Variants in PCID2 observed in about 807,000 individuals in gnomAD.
PCID2 encodes the protein PCI domain containing 2, also known as PCI domain-containing protein 2.
PCID2 carries 41 observed loss-of-function variants against 61.3 expected under a neutral mutation model. The ratio of observed to expected loss-of-function variants is 0.67; its 90% confidence interval spans 0.52 to 0.87. The LOEUF (loss-of-function observed/expected upper bound fraction) is 0.87. Among genes scored for constraint, PCID2 ranks in the 40% least tolerant of loss-of-function variants. The probability of loss-of-function intolerance (pLI) is 0.00; values close to 1 mark genes in which losing one functional copy is unlikely to be tolerated. For missense variants in PCID2, 392 were observed against 493.4 expected (o/e 0.79, Z 1.95); for synonymous variants, 187 against 177.8 (o/e 1.05, Z -0.41).
intron 6 of PCID2, among the ~76,000 whole-genome samples, chr13:113,192,462 A>AAACT (rs55641715): frequency 0.92 from 139,971 of 152,040 alleles, 65,514 homozygotes; most frequent in East Asian, 1. Flanking sequence ...GCAGAACAGA[A>AAACT]GACAGGCAGA....
chr13:113,171,966 G>GCACTGGA, the PCID2 span: 1 of 1,613,578 alleles, frequency 6.2e-7, no homozygotes, highest in South Asian at 1.1e-5. The surrounding 1 kb of genome is among the most constrained non-coding windows in gnomAD (Gnocchi z 5.1). Context: ...ATGGATGGAA[G>GCACTGGA]TGTGGTCACC....
chr13:113,167,427 A>T, the PCID2 span, among the ~76,000 whole-genome samples: 1 of 152,214 alleles, frequency 6.6e-6, no homozygotes, highest in Non-Finnish European at 1.5e-5. Flanking sequence ...ACGGTTGAAA[A>T]CTGCAACACT....
intron 10 of PCID2, 68 bp from the exon 11 acceptor site, chr13:113,180,299 T>C (rs2037517909): frequency 1.6e-6 from 2 of 1,213,098 alleles, no homozygotes; most frequent in Non-Finnish European, 2.4e-6. Context: ...TAAATATTCA[T>C]ATCAAGGAAT....
the PCID2 span, chr13:113,171,680 A>T: frequency 6.2e-7 from 1 of 1,613,952 alleles, no homozygotes; most frequent in Non-Finnish European, 8.5e-7. This position sits in a 1 kb window ranked among gnomAD's most constrained non-coding sequence, Gnocchi z 5.1. Context: ...CGCGGGGGAG[A>T]ATGACCTGTC....
intron 7 of PCID2, chr13:113,186,764 C>A (rs1021792318): frequency 6.6e-6 from 1 of 152,196 alleles, no homozygotes; most frequent in South Asian, 2.1e-4. Context: ...CCACAGGCTG[C>A]GCCACACAGC....
In PCID2 at chr13:113,206,835, A is replaced by C. The variant is rs143854362; in HGVS notation, c.36+1764T>G. 3.1e-3 allele frequency among the ~76,000 whole-genome samples: 475 copies of C among 152,336 alleles called. 2 individuals are homozygous for C. Among genetic ancestry groups the C allele is most frequent in the Middle Eastern group, 0.01 (3 of 294 alleles). ...ATGTAGGCATGCACATCTCCATAGAAGTCCATCCTGGGCCCAGCCCCTGTC... is the reference window on the plus strand; with the variant it reads ...ATGTAGGCATGCACATCTCCATAGACGTCCATCCTGGGCCCAGCCCCTGTC... On this transcript the variant is annotated intron_variant, in intron 1 of 13. Transcript: ENST00000337344.
In PCID2 at chr13:113,197,159, C is replaced by A. The variant is rs755281970; in HGVS notation, c.266+19G>T. 26 of 1,614,032 alleles carry A rather than the reference C, an allele frequency of 1.6e-5. No individual in the cohort carries two copies. The Admixed American group carries it at 4.2e-4, about 26-fold the overall frequency. On this transcript the variant is annotated intron_variant, in intron 4 of 13. Coordinates refer to ENST00000337344, the MANE Select transcript of PCID2 (RefSeq NM_001127202.4). ...CATGTGTTCTATGCGGGACAGCTGCCATGAACGACAAAGGATATTGGACTA... is the reference window on the plus strand; with the variant it reads ...CATGTGTTCTATGCGGGACAGCTGCAATGAACGACAAAGGATATTGGACTA...
intron 2 of PCID2, among the ~76,000 whole-genome samples, chr13:113,199,612 G>C (rs968440066): frequency 2.0e-5 from 3 of 152,272 alleles, no homozygotes; most frequent in South Asian, 2.1e-4. Context: ...GACAGTGTGT[G>C]TCCTCTCATG....
chr13:113,208,391 C>A, intron 1 of PCID2: 1 of 1,440,686 alleles, frequency 6.9e-7, no homozygotes, highest in Non-Finnish European at 9.1e-7. Context: ...GCCCGGCCCC[C>A]ACGGCGGCCC....
chr13:113,208,125 C>T, intron 1 of PCID2: 1 of 1,609,216 alleles, frequency 6.2e-7, no homozygotes, highest in Non-Finnish European at 8.5e-7. Flanking sequence ...GGACGAGGGG[C>T]ACGAGCCCGG....
chr13:113,177,529 C>T (rs1250299825), downstream of PCID2: 1 of 152,124 alleles, frequency 6.6e-6, no homozygotes, highest in South Asian at 2.1e-4. Context: ...TAGAGTGAGC[C>T]ATAATGTTTA....
intron 7 of PCID2, 77 bp downstream of exon 7, chr13:113,190,795 C>T: frequency 1.4e-6 from 1 of 715,778 alleles, no homozygotes; most frequent in East Asian, 2.8e-5. Flanking sequence ...ACAATAAACA[C>T]AGGCCAGAAA....
chr13:113,187,947 G>A (rs1285609973), intron 7 of PCID2: 3 of 152,310 alleles, frequency 2.0e-5, no homozygotes, highest in South Asian at 2.1e-4. Flanking sequence ...AAAAATATAC[G>A]ATCAAGCGAA....
chr13:113,204,485 C>T (rs140716442), intron 1 of PCID2, among the ~76,000 whole-genome samples: 2 of 152,298 alleles, frequency 1.3e-5, no homozygotes, highest in East Asian at 1.9e-4. Flanking sequence ...CACTGGTAGC[C>T]CTCCTTTGCC....
chr13:113,202,398 A>G (rs2039497991), intron 1 of PCID2, among the ~76,000 whole-genome samples: 4 of 152,246 alleles, frequency 2.6e-5, no homozygotes, highest in Admixed American at 2.6e-4. Flanking sequence ...TCACACTGCC[A>G]GGAACTTACA....
chr13:113,184,557 G>T, intron 8 of PCID2, 70 bp from the exon 9 acceptor site: 1 of 842,056 alleles, frequency 1.2e-6, no homozygotes. Flanking sequence ...AAATTACTAA[G>T]CATGTCTCCT....
chr13:113,188,578 A>C (rs1336634141), intron 7 of PCID2: 1 of 152,186 alleles, frequency 6.6e-6, no homozygotes, highest in Non-Finnish European at 1.5e-5. Flanking sequence ...TCACCATGAC[A>C]ATGACGGGAA....
At chr13:113,171,259 C>T in the PCID2 span, among the ~76,000 whole-genome samples, 1 of 152,208 alleles carries the variant, frequency 6.6e-6, no homozygotes, top group Non-Finnish European at 1.5e-5. The surrounding 1 kb of genome is among the most constrained non-coding windows in gnomAD (Gnocchi z 5.1). Flanking sequence ...AACGTGAAAA[C>T]CACTTCTCAA....
chr13:113,203,776 A>G lies in PCID2; in HGVS notation c.37-3260T>C, dbSNP rs2039602047. Among the ~76,000 whole-genome samples, 3 of 152,300 alleles carry G rather than the reference A, an allele frequency of 2.0e-5. No individual in the cohort carries two copies. In the South Asian group the frequency reaches 6.2e-4, roughly 32 times the overall value. The stretch of plus-strand genomic sequence containing the variant: ...GATGAGGGTGGCAACTGCCTTGGCC[A>G]GGCAGGCACACTGCGTCTTCCCCGT... On this transcript the variant is annotated intron_variant, in intron 1 of 13. Transcript: ENST00000337344.
Sources: gnomAD v4.1 joint callset for allele counts (sites outside exome capture counted in the v4.1 genomes callset) on GRCh38, gnomAD v4.1.1 for gene constraint, Gnocchi (gnomAD v3.1) non-coding constraint, MANE v1.5 for transcripts, NCBI Gene and HGNC (gene_info 2026-07-23, HGNC 2026-07-21) for gene names.